Variants in CACNA1I observed in about 807,000 individuals in gnomAD.
The protein encoded by CACNA1I is calcium voltage-gated channel subunit alpha1 I, also known as voltage-dependent T-type calcium channel subunit alpha-1I.
CACNA1I carries 74 observed loss-of-function variants against 201.6 expected under a neutral mutation model. That is an observed-to-expected ratio of 0.37 (90% CI 0.30 to 0.45). The LOEUF (loss-of-function observed/expected upper bound fraction) is 0.45. Among genes scored for constraint, CACNA1I ranks in the 20% least tolerant of loss-of-function variants. The pLI, the probability that CACNA1I is intolerant of heterozygous loss-of-function variation, is 1.00. For missense variants in CACNA1I, 2,346 were observed against 3,138.1 expected (o/e 0.75, Z 6.03); for synonymous variants, 1,431 against 1,345.2 (o/e 1.06, Z -1.40).
Position 39,685,660 on chromosome 22 carries a change from A to G in CACNA1I, c.6028-101A>G, listed in dbSNP as rs1416346551. The G allele has an allele frequency of 3.0e-5, 31 of 1,021,426 alleles. No individual in the cohort carries two copies. In the South Asian group the frequency reaches 5.3e-4, roughly 17 times the overall value. The allele number at this position is 1,021,426 out of a possible 1,614,324, so 63.3% of individuals were successfully genotyped here. On this transcript the variant is annotated intron_variant, in intron 36 of 36. Coordinates refer to ENST00000402142, the MANE Select transcript of CACNA1I (RefSeq NM_021096.4). The surrounding 1 kb of genome is among the most constrained non-coding windows in gnomAD (Gnocchi z 5.0). ...CCCTGCTCCGAAGGGAGCTCCTTGGATGGGGTCTGCCTGCTGCCTGCTGTG... is the reference window on the plus strand; with the variant it reads ...CCCTGCTCCGAAGGGAGCTCCTTGGGTGGGGTCTGCCTGCTGCCTGCTGTG...
At chr22:39,579,909 A>G (rs28631967) in intron 1 of CACNA1I, among the ~76,000 whole-genome samples, 57,238 of 152,132 alleles carry the variant, frequency 0.38, 12,057 homozygotes, top group East Asian at 0.82. Flanking sequence ...TCGGCCTCCC[A>G]AAGTGCTGGG....
Position 39,665,419 on chromosome 22 carries a change from T to C in CACNA1I, c.3852-79T>C. ...ACTCATGCCCTGGGATACTCAGCCC[T>C]GGTGACTCTGGGCTGAGTAGGGGCT... On this transcript the variant is annotated intron_variant, in intron 21 of 36. Transcript: ENST00000402142. The surrounding 1 kb of genome is among the most constrained non-coding windows in gnomAD (Gnocchi z 5.5). 1 of 1,547,120 alleles carries C rather than the reference T, an allele frequency of 6.5e-7. No individual in the cohort carries two copies. The highest frequency in any genetic ancestry group is 2.3e-5 in the East Asian group (1 of 44,190).
At chr22:39,673,316 A>G (rs1342749769) in intron 28 of CACNA1I, among the ~76,000 whole-genome samples, 1 of 152,154 alleles carries the variant, frequency 6.6e-6, no homozygotes, top group East Asian at 1.9e-4. Context: ...GCAACTTTGC[A>G]TAGCACACAT....
chr22:39,637,563 G>T (rs1280877102), intron 5 of CACNA1I, among the ~76,000 whole-genome samples: 1 of 152,100 alleles, frequency 6.6e-6, no homozygotes, highest in Non-Finnish European at 1.5e-5. Flanking sequence ...TATACCCAAA[G>T]ATGTGTACAA....
At chr22:39,651,302 C>T (rs1243278771) in intron 10 of CACNA1I, among the ~76,000 whole-genome samples, 1 of 152,240 alleles carries the variant, frequency 6.6e-6, no homozygotes, top group African/African-American at 2.4e-5. Context: ...GCATGCCGCA[C>T]CCCATGGGGC....
At chr22:39,590,876 C>T (rs1003944124) in intron 1 of CACNA1I, among the ~76,000 whole-genome samples, 5 of 152,194 alleles carry the variant, frequency 3.3e-5, no homozygotes, top group African/African-American at 7.2e-5. Flanking sequence ...GATAGGATCT[C>T]GCTCTGTCGC....
rs750913198 is a variant in CACNA1I at position 39,680,953 on chromosome 22, C to G, written c.5565C>G (p.Ala1855=). The change falls in exon 34 of 37, where the codon GCC becomes GCG. Residue 1855 remains alanine (A), a synonymous_variant. Transcript: ENST00000402142. ...AGGTGCAGCTGGCTGAGACGGAGGC[C>G]TTCTCCCTGAACTCAGACAGGTCCT... ...KQEVQLAETE[A]FSLNSDRSSS... The G allele has an allele frequency of 3.7e-6, 6 of 1,611,530 alleles. No homozygotes were observed. In the South Asian group the frequency reaches 4.4e-5, roughly 12 times the overall value.
rs1935803885 is a variant in CACNA1I at position 39,684,641 on chromosome 22, C to G, written c.6027+143C>G. On this transcript the variant is annotated intron_variant, in intron 36 of 36. Transcript: ENST00000402142. This position sits in a 1 kb window ranked among gnomAD's most constrained non-coding sequence, Gnocchi z 4.6. The stretch of plus-strand genomic sequence containing the variant: ...CACCGTGCAAGGGGGTTTGGGAACG[C>G]TGGGGTGACGCTGAGACTGGAGGGG... 14 of 802,624 alleles carry G rather than the reference C, an allele frequency of 1.7e-5. No homozygotes were observed. In the South Asian group the frequency reaches 2.3e-4, roughly 13 times the overall value. 49.7% of individuals were successfully genotyped at this position (802,624 alleles called of 1,614,324 possible). A position where few individuals can be genotyped will look rare whatever the true frequency, so the allele number is the denominator to read the frequency against.
chr22:39,592,647 G>A (rs138893529), intron 1 of CACNA1I, among the ~76,000 whole-genome samples: 22 of 152,324 alleles, frequency 1.4e-4, no homozygotes, highest in African/African-American at 2.4e-4. Flanking sequence ...ACGTCCTGCC[G>A]TCGTGGCACT....
chr22:39,649,221 C>T lies in CACNA1I; in HGVS notation c.1568-280C>T, dbSNP rs752075509. Among the ~76,000 whole-genome samples, 2 of 152,204 alleles carry T rather than the reference C, an allele frequency of 1.3e-5. No homozygotes were observed. Among genetic ancestry groups the T allele is most frequent in the Admixed American group, 6.5e-5 (1 of 15,288 alleles). ...GGGATGGCCGGTCAGCACGGATGCG[C>T]GCCCTGCACCGTGCTGGGCCCATCA... On this transcript the variant is annotated intron_variant, in intron 9 of 36. Transcript: ENST00000402142. The surrounding 1 kb of genome is among the most constrained non-coding windows in gnomAD (Gnocchi z 7.3).
chr22:39,673,843 C>A, intron 28 of CACNA1I, 120 bp from the exon 29 acceptor site: 1 of 850,840 alleles, frequency 1.2e-6, no homozygotes, highest in Non-Finnish European at 1.8e-6. Context: ...GAGAGCCAGA[C>A]TCTGCTTGCA....
At chr22:39,577,505 G>A (rs1035313855) in intron 1 of CACNA1I, among the ~76,000 whole-genome samples, 4 of 152,242 alleles carry the variant, frequency 2.6e-5, no homozygotes, top group Admixed American at 2.0e-4. Flanking sequence ...CGAGGGTTGA[G>A]GCTGTCGAAG....
intron 2 of CACNA1I, among the ~76,000 whole-genome samples, chr22:39,599,767 T>G (rs927110087): frequency 1.3e-5 from 2 of 152,046 alleles, no homozygotes; most frequent in Admixed American, 6.5e-5. Flanking sequence ...AGCCTCATGG[T>G]GAGTTCACCG....
In CACNA1I at chr22:39,586,176, C is replaced by CA. The variant is rs797014001; in HGVS notation, c.237-11966dup. On this transcript the variant is annotated intron_variant, in intron 1 of 36. Coordinates refer to ENST00000402142, the MANE Select transcript of CACNA1I (RefSeq NM_021096.4). ...CTGGCGACAGAGCAAGACTCCATCT[C>CA]AAAAAAAAATAGCATTTAAAAACTT... 5.8e-3 allele frequency among the ~76,000 whole-genome samples: 873 copies of CA among 149,372 alleles called. 7 individuals are homozygous for CA. Among genetic ancestry groups the CA allele is most frequent in the African/African-American group, 0.021 (844 of 40,730 alleles).
At chr22:39,598,014 T>A (rs1359016000) in intron 1 of CACNA1I, 137 bp from the exon 2 acceptor site, 16 of 640,958 alleles carry the variant, frequency 2.5e-5, no homozygotes, top group Admixed American at 8.9e-5. Flanking sequence ...GTTTCAGGGA[T>A]GGCACCCAGA....
chr22:39,686,516 C>G lies in CACNA1I; in HGVS notation c.*111C>G, dbSNP rs966723074. ...TCCACACCTGGGATCGCGCAGGGCC[C>G]GCAGGGCACAGGCGCCCGACAGCCG... is the stretch of plus-strand genomic sequence containing the variant. On this transcript the variant is annotated 3_prime_UTR_variant, in exon 37 of 37. Transcript: ENST00000402142. The G allele has an allele frequency of 1.2e-6, 1 of 866,738 alleles. No homozygotes were observed. The highest frequency in any genetic ancestry group is 3.8e-5 in the East Asian group (1 of 26,270). The allele number at this position is 866,738 out of a possible 1,614,324, so 53.7% of individuals were successfully genotyped here.
intron 3 of CACNA1I, among the ~76,000 whole-genome samples, chr22:39,601,970 A>G (rs565243523): frequency 5.5e-3 from 59 of 10,782 alleles, no homozygotes; most frequent in African/African-American, 0.02. Flanking sequence ...TCTTTCTTTC[A>G]CCCTCCCTCC....
In CACNA1I at chr22:39,662,095, G is replaced by A. The variant is rs1321419838; in HGVS notation, c.3032G>A (p.Arg1011His). The A allele has an allele frequency of 4.6e-6, 7 of 1,527,280 alleles. No individual in the cohort carries two copies. Among genetic ancestry groups the A allele is most frequent in the Non-Finnish European group, 6.1e-6 (7 of 1,141,980 alleles). The allele number at this position is 1,527,280 out of a possible 1,614,324, so 94.6% of individuals were successfully genotyped here. A position where few individuals can be genotyped will look rare whatever the true frequency, so the allele number is the denominator to read the frequency against. Residue 1011 changes from arginine (R) to histidine (H), a missense_variant, in exon 17 of 37, where the codon CGC (arginine) becomes CAC (histidine). Around this residue, in one of 13 missense-constraint regions of CACNA1I, gnomAD observed 288 missense variants for 255.2 expected, o/e 1.13. Transcript: ENST00000402142. ...AEHESLLSAE[R>H]GGGARVCEVA... The stretch of plus-strand genomic sequence containing the variant: ...CATGAGTCCCTGCTCTCTGCGGAGC[G>A]CGGCGGCGGCGCCCGGGTCTGCGAG...
In CACNA1I at chr22:39,686,102, C is replaced by G. The variant is rs1272088291; in HGVS notation, c.6369C>G (p.His2123Gln). 2.4e-6 allele frequency: 3 copies of G among 1,249,904 alleles called. No individual in the cohort carries two copies. The highest frequency in any genetic ancestry group is 3.0e-6 in the Non-Finnish European group (3 of 1,000,628). The allele number at this position is 1,249,904 out of a possible 1,614,324, so 77.4% of individuals were successfully genotyped here. A position where few individuals can be genotyped will look rare whatever the true frequency, so the allele number is the denominator to read the frequency against. ...GCGGCGGGGGCGCGGGCAGCGAGCACTCGGAGACCCTCAGCAGCCTCTCGC... is the reference window on the plus strand; with the variant it reads ...GCGGCGGGGGCGCGGGCAGCGAGCAGTCGGAGACCCTCAGCAGCCTCTCGC... Reference protein sequence around the residue: ...GAGGGGAGSEHSETLSSLSLT... With the variant: ...GAGGGGAGSEQSETLSSLSLT... Residue 2123 changes from histidine (H) to glutamine (Q), a missense_variant, in exon 37 of 37, where the codon CAC becomes CAG. Physicochemically the swap from His to Gln is conservative, Grantham distance 24. Around this residue, in one of 13 missense-constraint regions of CACNA1I, gnomAD observed 187 missense variants for 151.0 expected, o/e 1.24. Transcript: ENST00000402142.
Sources: allele counts gnomAD v4.1 joint callset (sites outside exome capture counted in the v4.1 genomes callset), GRCh38; gene constraint gnomAD v4.1.1; regional missense constraint gnomAD v4.1.1; non-coding constraint Gnocchi (gnomAD v3.1); transcripts MANE v1.5; gene names NCBI Gene and HGNC (gene_info 2026-07-23, HGNC 2026-07-21).